The following YEATS2 variants were observed in gnomAD, a reference collection of about 807,000 sequenced individuals.
YEATS2 encodes YEATS domain-containing protein 2.
A neutral mutation model predicts 163.2 loss-of-function variants in YEATS2; 77 were observed. The ratio of observed to expected loss-of-function variants is 0.47; its 90% CI spans 0.39 to 0.57. YEATS2 has a LOEUF of 0.57. YEATS2 is among the 20% of genes least tolerant of loss of function. The probability of loss-of-function intolerance (pLI) is 0.00; values close to 1 mark genes in which losing one functional copy is unlikely to be tolerated. For missense variants in YEATS2, 1,549 were observed against 1,729.8 expected, an observed-to-expected ratio of 0.90 and a Z score of 1.85; for synonymous variants, 631 against 645.1, an observed-to-expected ratio of 0.98 and a Z score of 0.33.
intron 8 of YEATS2, among the ~76,000 whole-genome samples, chr3:183,746,792 T>C (rs1261067254): frequency 6.6e-6 from 1 of 152,104 alleles, no homozygotes; most frequent in African/African-American, 2.4e-5. Flanking sequence ...CATAACTGAC[T>C]GAGTTGTCCT....
chr3:183,708,700 C>T (rs1239115009), intron 1 of YEATS2, among the ~76,000 whole-genome samples: 2 of 151,990 alleles, frequency 1.3e-5, no homozygotes, highest in African/African-American at 2.4e-5. Context: ...ACCCCCGTCT[C>T]TTTAAAAAAT....
chr3:183,738,177 A>G (rs1240445627), intron 8 of YEATS2, among the ~76,000 whole-genome samples: 4 of 151,998 alleles, frequency 2.6e-5, no homozygotes, highest in African/African-American at 7.2e-5. Context: ...GGGCCTTCCT[A>G]TCCTCTGAGA....
intron 9 of YEATS2, among the ~76,000 whole-genome samples, chr3:183,749,880 C>G (rs1008090830): frequency 1.3e-5 from 2 of 152,026 alleles, no homozygotes; most frequent in Non-Finnish European, 2.9e-5. Flanking sequence ...TGCAGTGGCT[C>G]GATCTCGGCT....
rs1726820447 is a variant in YEATS2 at position 183,811,749 on chromosome 3, T to C, written c.*1166T>C. ...ATCTCAGACTTCCTAACACAGCCTG[T>C]GTGGAAGGCAGAACAAAGAATGCAT... On this transcript the variant is annotated 3_prime_UTR_variant, in exon 31 of 31. Coordinates refer to ENST00000305135, the MANE Select transcript of YEATS2 (RefSeq NM_018023.5). 6.6e-6 allele frequency: 1 copy of C among 152,148 alleles called. No homozygotes were observed. Among genetic ancestry groups the C allele is most frequent in the African/African-American group, 2.4e-5 (1 of 41,422 alleles). 9.4% of individuals were successfully genotyped at this position (152,148 alleles called of 1,614,324 possible).
At chr3:183,798,549 T>C (rs1310702656) in intron 22 of YEATS2, among the ~76,000 whole-genome samples, 4 of 152,136 alleles carry the variant, frequency 2.6e-5, no homozygotes, top group African/African-American at 9.7e-5. Context: ...AGATGGGGTT[T>C]CACCATGTTG....
chr3:183,786,967 GT>G (rs1402066177), intron 20 of YEATS2, among the ~76,000 whole-genome samples: 1 of 151,952 alleles, frequency 6.6e-6, no homozygotes, highest in African/African-American at 2.4e-5. Context: ...TTTTTTTGTT[GT>G]TTTTTGAGAT....
At chr3:183,760,313 ATTTTTTTTT>A (rs11417378) in intron 13 of YEATS2, among the ~76,000 whole-genome samples, 5 of 110,314 alleles carry the variant, frequency 4.5e-5, no homozygotes, top group African/African-American at 7.3e-5. Context: ...AAACTACAGA[ATTTTTTTTT>A]TTTTTTTTTT....
intron 29 of YEATS2, among the ~76,000 whole-genome samples, chr3:183,808,375 G>A (rs2108542115): frequency 6.6e-6 from 1 of 152,172 alleles, no homozygotes; most frequent in Non-Finnish European, 1.5e-5. Context: ...TTTAGGAGGT[G>A]GCAGAGACAA....
At chr3:183,753,463 G>C (rs973275752) in intron 10 of YEATS2, among the ~76,000 whole-genome samples, 11 of 152,008 alleles carry the variant, frequency 7.2e-5, no homozygotes, top group African/African-American at 2.7e-4. Flanking sequence ...AGATACAAGA[G>C]GGGCCGGGCA....
chr3:183,747,742 C>T, intron 9 of YEATS2, 26 bp downstream of exon 9: 1 of 1,602,602 alleles, frequency 6.2e-7, no homozygotes, highest in Non-Finnish European at 8.5e-7. Flanking sequence ...ACAGTATTAT[C>T]TGGGAATGAG....
intron 15 of YEATS2, among the ~76,000 whole-genome samples, chr3:183,763,673 GA>G (rs1233818460): frequency 1.3e-5 from 2 of 152,128 alleles, no homozygotes; most frequent in African/African-American, 4.8e-5. Context: ...CCCCATTTCA[GA>G]ACTAATGAAA....
rs746757654 is a variant in YEATS2, at chr3:183,758,887, G to A, written c.1578G>A (p.Thr526=). ...GAAGTCCTACAAACAAGATCTCCAC[G>A]GCTTCTCAGGTCTCCCAAGGAACAG... The part of the protein sequence containing the change: ...STGSPTNKIS[T]ASQVSQGTGS... Residue 526 remains threonine (T), a synonymous_variant, in exon 13 of 31, where the codon ACG becomes ACA. Transcript: ENST00000305135. The A allele has an allele frequency of 1.4e-5, 22 of 1,595,046 alleles. No individual in the cohort carries two copies. The South Asian group carries it at 1.4e-4, about 10-fold the overall frequency.
intron 21 of YEATS2, 51 bp from the exon 22 acceptor site, chr3:183,797,872 T>C: frequency 1.1e-5 from 17 of 1,610,190 alleles, no homozygotes; most frequent in Non-Finnish European, 1.4e-5. Flanking sequence ...ATAAGAGACT[T>C]TCCCGAAGCA....
intron 1 of YEATS2, among the ~76,000 whole-genome samples, chr3:183,702,034 G>A (rs1242907397): frequency 6.6e-6 from 1 of 152,090 alleles, no homozygotes; most frequent in Non-Finnish European, 1.5e-5. Context: ...TACCTTCTCC[G>A]CTTACCGAAA....
intron 1 of YEATS2, among the ~76,000 whole-genome samples, chr3:183,702,338 G>A (rs1025998675): frequency 8.5e-5 from 13 of 152,106 alleles, no homozygotes; most frequent in African/African-American, 2.9e-4. Context: ...CCAGCTACTT[G>A]GGAGGCTGTG....
At chr3:183,713,755 A>G (rs1401235123) in intron 1 of YEATS2, among the ~76,000 whole-genome samples, 1 of 152,180 alleles carries the variant, frequency 6.6e-6, no homozygotes, top group East Asian at 1.9e-4. Context: ...AGTGATGTGA[A>G]TGTTTCGTAT....
intron 1 of YEATS2, among the ~76,000 whole-genome samples, chr3:183,705,969 G>A (rs1405942669): frequency 1.3e-5 from 2 of 151,922 alleles, no homozygotes; most frequent in African/African-American, 2.4e-5. Context: ...GACCCGGGAG[G>A]CGGAGCTTGT....
chr3:183,711,296 C>T (rs1252273880), intron 1 of YEATS2, among the ~76,000 whole-genome samples: 2 of 151,836 alleles, frequency 1.3e-5, no homozygotes, highest in East Asian at 3.9e-4. Flanking sequence ...CAGTAAAACC[C>T]CGTCTCCACA....
chr3:183,769,445 A>G (rs1247258366), intron 15 of YEATS2, among the ~76,000 whole-genome samples: 1 of 152,218 alleles, frequency 6.6e-6, no homozygotes, highest in Non-Finnish European at 1.5e-5. Context: ...GAGCAGCAAC[A>G]GCTGTCATGT....
Sources: gnomAD v4.1 joint callset for allele counts (sites outside exome capture counted in the v4.1 genomes callset) on GRCh38, gnomAD v4.1.1 for gene constraint, MANE v1.5 for transcripts, NCBI Gene and HGNC (gene_info 2026-07-23, HGNC 2026-07-21) for gene names.